Variants in SLC2A9 observed in about 807,000 individuals in gnomAD.
The protein encoded by SLC2A9 is solute carrier family 2 member 9.
Under a neutral mutation model 50.6 loss-of-function variants are expected in SLC2A9, and 39 were observed. The ratio of observed to expected loss-of-function variants is 0.77; its 90% CI spans 0.60 to 1.01. The LOEUF (loss-of-function observed/expected upper bound fraction) is 1.01, where lower values mean the gene tolerates loss of function less well. SLC2A9 is among the 50% of genes least tolerant of loss of function. The probability of loss-of-function intolerance (pLI) is 0.00; values close to 1 mark genes in which losing one functional copy is unlikely to be tolerated. For missense variants in SLC2A9, 686 were observed against 677.6 expected, an observed-to-expected ratio of 1.01 and a Z score of -0.14; for synonymous variants, 324 against 276.9, an observed-to-expected ratio of 1.17 and a Z score of -1.69.
chr4:9,828,621 G>C (rs570335103), intron 11 of SLC2A9, among the ~76,000 whole-genome samples: 16 of 152,300 alleles, frequency 1.1e-4, no homozygotes, highest in African/African-American at 3.8e-4. Flanking sequence ...TGCACATGCT[G>C]TTCTCTCTTG....
intron 1 of SLC2A9, among the ~76,000 whole-genome samples, chr4:10,029,465 C>G (rs1763861022): frequency 6.6e-6 from 1 of 152,130 alleles, no homozygotes. Context: ...GGGGTTCTTA[C>G]CCTGGCTGTT....
At chr4:9,908,164 C>T in intron 8 of SLC2A9, 71 bp downstream of exon 8, 1 of 1,030,818 alleles carries the variant, frequency 9.7e-7, no homozygotes, top group Admixed American at 1.7e-5. Context: ...CCTTAAAGGA[C>T]CTTATGAACA....
At chr4:9,849,573 A>G (rs187733239) in intron 10 of SLC2A9, among the ~76,000 whole-genome samples, 1 of 152,334 alleles carries the variant, frequency 6.6e-6, no homozygotes, top group East Asian at 1.9e-4. Context: ...AATAGGCTTG[A>G]ACATTACCAT....
At chr4:9,879,051 G>A in intron 10 of SLC2A9, 1 of 985,154 alleles carries the variant, frequency 1.0e-6, no homozygotes, top group South Asian at 4.7e-5. Flanking sequence ...ATTGAGTGCT[G>A]ACCCACTGTC....
chr4:9,897,707 T>G (rs1189829348), intron 8 of SLC2A9, among the ~76,000 whole-genome samples: 3 of 151,952 alleles, frequency 2.0e-5, no homozygotes, highest in Non-Finnish European at 4.4e-5. Context: ...GCCAACATGA[T>G]GAAACCCTGT....
chr4:9,890,433 C>CAA (rs1173590205), intron 9 of SLC2A9, among the ~76,000 whole-genome samples, 177 bp downstream of exon 9: 1 of 152,162 alleles, frequency 6.6e-6, no homozygotes, highest in Non-Finnish European at 1.5e-5. Flanking sequence ...GACCCCTCAC[C>CAA]AAACCCTCTT....
chr4:10,014,959 G>A (rs1258742768), intron 2 of SLC2A9, among the ~76,000 whole-genome samples: 3 of 152,184 alleles, frequency 2.0e-5, no homozygotes, highest in African/African-American at 7.2e-5. Context: ...AAGAGTTTGG[G>A]GAATGATTCT....
At chr4:9,800,757 T>C (rs957252246) in intron 3 of SLC2A9, among the ~76,000 whole-genome samples, 1 of 152,182 alleles carries the variant, frequency 6.6e-6, no homozygotes, top group African/African-American at 2.4e-5. Context: ...TCAGGTATTA[T>C]AGGTAATCTG....
intron 11 of SLC2A9, among the ~76,000 whole-genome samples, chr4:9,829,673 A>G (rs1725735760): frequency 2.0e-5 from 3 of 152,144 alleles, no homozygotes; most frequent in South Asian, 4.1e-4. Flanking sequence ...ATTTACAAGA[A>G]AAAACAACCT....
At chr4:10,002,879 C>G (rs139788797) in intron 2 of SLC2A9, among the ~76,000 whole-genome samples, 35 of 152,102 alleles carry the variant, frequency 2.3e-4, no homozygotes, top group Non-Finnish European at 4.3e-4. Flanking sequence ...TAAATATCAA[C>G]TATATCAACT....
intron 6 of SLC2A9, 111 bp from the exon 7 acceptor site, chr4:9,920,683 G>T: frequency 7.6e-7 from 1 of 1,315,784 alleles, no homozygotes; most frequent in South Asian, 1.2e-5. Context: ...CCTTAGCTGG[G>T]GGCGGAACTT....
In SLC2A9 at chr4:9,932,700, C is replaced by G. The variant is rs186323095; in HGVS notation, c.814+9213G>C. The stretch of plus-strand genomic sequence containing the variant: ...CTGAGATGAAATGTGCTGACAGCAT[C>G]CCACTACTTATGAACTTGTTGCATT... On this transcript the variant is annotated intron_variant, in intron 6 of 11. Coordinates refer to ENST00000264784, the MANE Select transcript of SLC2A9 (RefSeq NM_020041.3). Among the ~76,000 whole-genome samples, 5 of 152,304 alleles carry G rather than the reference C, an allele frequency of 3.3e-5. No homozygotes were observed. In the East Asian group the frequency reaches 9.7e-4, roughly 29 times the overall value.
chr4:9,813,272 C>A (rs957525649), intron 3 of SLC2A9, among the ~76,000 whole-genome samples: 1 of 152,320 alleles, frequency 6.6e-6, no homozygotes, highest in African/African-American at 2.4e-5. Context: ...CAACCAGTTT[C>A]ATCTCTCATT....
rs563068816 is a variant in SLC2A9, at chr4:9,851,699, A to G, written c.1292-16691T>C. Among the ~76,000 whole-genome samples, 4 of 149,588 alleles carry G rather than the reference A, an allele frequency of 2.7e-5. No homozygotes were observed. The South Asian group carries it at 8.6e-4, about 32-fold the overall frequency. ...TCAATAAAACAATACAGGAGGTGAA[A>G]GACGAAATGGCCATTTTAAGAAAAA... is the stretch of plus-strand genomic sequence containing the variant. On this transcript the variant is annotated intron_variant, in intron 10 of 11. Coordinates refer to ENST00000264784, the MANE Select transcript of SLC2A9 (RefSeq NM_020041.3).
intron 10 of SLC2A9, among the ~76,000 whole-genome samples, chr4:9,876,234 C>T (rs1734298515): frequency 6.6e-6 from 1 of 152,134 alleles, no homozygotes; most frequent in African/African-American, 2.4e-5. Context: ...TGTTGTTCGT[C>T]CCAAGGGGCC....
chr4:9,868,560 C>T (rs538401575), intron 10 of SLC2A9, among the ~76,000 whole-genome samples: 27 of 152,254 alleles, frequency 1.8e-4, no homozygotes, highest in African/African-American at 6.3e-4. Flanking sequence ...ATAAACTAAA[C>T]AAGAAAGTCC....
At chr4:9,973,532 T>C (rs1008475122) in intron 5 of SLC2A9, among the ~76,000 whole-genome samples, 2 of 151,650 alleles carry the variant, frequency 1.3e-5, no homozygotes, top group African/African-American at 4.8e-5. Context: ...TATGCAGCCA[T>C]GAAAAATGAA....
At chr4:9,851,121 T>G (rs3960679) in intron 10 of SLC2A9, among the ~76,000 whole-genome samples, 143,614 of 152,248 alleles carry the variant, frequency 0.94, 68,020 homozygotes, top group Non-Finnish European at 0.96. Context: ...GCTGGCACAC[T>G]TGAGCGAGCA....
intron 2 of SLC2A9, among the ~76,000 whole-genome samples, chr4:10,010,406 A>G (rs1027074267): frequency 3.3e-5 from 5 of 152,220 alleles, no homozygotes; most frequent in Non-Finnish European, 7.3e-5. Context: ...TCATTTGAGC[A>G]AATTATCAAA....
Sources: gnomAD v4.1 joint callset for allele counts (sites outside exome capture counted in the v4.1 genomes callset) on GRCh38, gnomAD v4.1.1 for gene constraint, MANE v1.5 for transcripts, NCBI Gene and HGNC (gene_info 2026-07-23, HGNC 2026-07-21) for gene names.